Variants in ZBTB8A observed in about 807,000 individuals in gnomAD.
ZBTB8A encodes zinc finger and BTB domain-containing protein 8A.
A neutral mutation model predicts 37.8 loss-of-function variants in ZBTB8A; 19 were observed. The observed-to-expected ratio is 0.50, with a 90% CI of 0.35 to 0.74. The LOEUF (loss-of-function observed/expected upper bound fraction) is 0.74. Among genes scored for constraint, ZBTB8A ranks in the 30% least tolerant of loss-of-function variants. The probability of loss-of-function intolerance (pLI) is 0.01; values close to 1 mark genes in which losing one functional copy is unlikely to be tolerated. For missense variants in ZBTB8A, 394 were observed against 537.8 expected (o/e 0.73, Z 2.65); for synonymous variants, 181 against 185.2 (o/e 0.98, Z 0.19).
chr1:32,575,360 G>A (rs1051125826), intron 2 of ZBTB8A, among the ~76,000 whole-genome samples: 1 of 150,738 alleles, frequency 6.6e-6, no homozygotes. Flanking sequence ...CTGAGTAGCT[G>A]GGATTACAGG....
intron 4 of ZBTB8A, among the ~76,000 whole-genome samples, chr1:32,599,457 A>G (rs1644558113): frequency 1.3e-5 from 2 of 152,006 alleles, no homozygotes; most frequent in African/African-American, 4.8e-5. Flanking sequence ...GGTGCCTCAC[A>G]CCTATAATCC....
chr1:32,587,143 G>A (rs1262184093), intron 2 of ZBTB8A, among the ~76,000 whole-genome samples: 1 of 152,054 alleles, frequency 6.6e-6, no homozygotes, highest in East Asian at 1.9e-4. Context: ...GGAGGCTGAG[G>A]TAGGAGAATC....
chr1:32,567,004 GA>G (rs1158218998), intron 2 of ZBTB8A, among the ~76,000 whole-genome samples: 1 of 152,176 alleles, frequency 6.6e-6, no homozygotes, highest in Non-Finnish European at 1.5e-5. Flanking sequence ...TTATTTTTGT[GA>G]AAGGGATTGT....
At chr1:32,584,112 G>A (rs1644428155) in intron 2 of ZBTB8A, among the ~76,000 whole-genome samples, 2 of 152,000 alleles carry the variant, frequency 1.3e-5, no homozygotes. Context: ...GGGAGAAGAT[G>A]GCCATATGAA....
intron 1 of ZBTB8A, among the ~76,000 whole-genome samples, chr1:32,540,160 A>C (rs559002743): frequency 4.5e-4 from 68 of 152,202 alleles, no homozygotes; most frequent in Non-Finnish European, 7.9e-4. Context: ...TTGAGCTCCC[A>C]ACTATTTGCT....
rs1019431192 is a variant in ZBTB8A at position 32,601,320 on chromosome 1, C to G, written c.*901C>G. 5.0e-6 allele frequency: 1 copy of G among 198,292 alleles called. No homozygotes were observed. The highest frequency in any genetic ancestry group is 1.0e-5 in the Non-Finnish European group (1 of 99,006). The allele number at this position is 198,292 out of a possible 1,614,324, so 12.3% of individuals were successfully genotyped here. ...GAAACCTCGTCTCTACTAAAAAATACAAAATTAGCCGGGCATGGTGGCGGG... is the reference window on the plus strand; with the variant it reads ...GAAACCTCGTCTCTACTAAAAAATAGAAAATTAGCCGGGCATGGTGGCGGG... On this transcript the variant is annotated 3_prime_UTR_variant, in exon 5 of 5. Coordinates refer to ENST00000373510, the MANE Select transcript of ZBTB8A (RefSeq NM_001040441.3).
At chr1:32,585,279 GC>G (rs1274310996) in intron 2 of ZBTB8A, among the ~76,000 whole-genome samples, 2 of 151,972 alleles carry the variant, frequency 1.3e-5, no homozygotes, top group Non-Finnish European at 2.9e-5. Context: ...CTCCCAAAGT[GC>G]TGGGATTATA....
intron 1 of ZBTB8A, among the ~76,000 whole-genome samples, chr1:32,542,305 A>G (rs996298157): frequency 6.8e-6 from 1 of 146,642 alleles, no homozygotes; most frequent in African/African-American, 2.5e-5. Flanking sequence ...CTATAATTCC[A>G]ACACTTTGGG....
chr1:32,583,031 T>C (rs921845219), intron 2 of ZBTB8A, among the ~76,000 whole-genome samples: 1 of 152,208 alleles, frequency 6.6e-6, no homozygotes, highest in Non-Finnish European at 1.5e-5. Flanking sequence ...CATCTGTATA[T>C]ATGTTCATAT....
chr1:32,559,344 T>C (rs575572185), intron 2 of ZBTB8A, among the ~76,000 whole-genome samples: 1 of 152,290 alleles, frequency 6.6e-6, no homozygotes, highest in African/African-American at 2.4e-5. Context: ...ACTCCTGACC[T>C]CCAGTGAGCC....
At chr1:32,540,044 A>G (rs1644040135) in intron 1 of ZBTB8A, among the ~76,000 whole-genome samples, 1 of 150,442 alleles carries the variant, frequency 6.6e-6, no homozygotes, top group Non-Finnish European at 1.5e-5. Context: ...CCTGGCTCCC[A>G]GGGCAGTAGC....
chr1:32,579,792 G>A (rs909661194), intron 2 of ZBTB8A, among the ~76,000 whole-genome samples: 1 of 151,974 alleles, frequency 6.6e-6, no homozygotes, highest in Non-Finnish European at 1.5e-5. Flanking sequence ...CATGTATTTT[G>A]TTCAGTTTTT....
chr1:32,600,380 A>C lies in ZBTB8A; in HGVS notation c.1287A>C (p.Glu429Asp). 1 of 1,607,406 alleles carries C rather than the reference A, an allele frequency of 6.2e-7. No homozygotes were observed. The highest frequency in any genetic ancestry group is 8.5e-7 in the Non-Finnish European group (1 of 1,175,634). ...TCATCCAACAGGTTGATGATAGTGA[A>C]GAAGAAGAAGAAAAAGAAATTAAGC... ...DLVIQQVDDS[E>D]EEEEKEIKPN... The change falls in exon 5 of 5, where the codon GAA becomes GAC. Residue 429 changes from glutamate (E) to aspartate (D), a missense_variant. Around this residue, in one of 4 missense-constraint regions of ZBTB8A, gnomAD observed 85 missense variants for 89.0 expected, o/e 0.95. Transcript: ENST00000373510.
At chr1:32,584,882 T>TC (rs986369644) in intron 2 of ZBTB8A, among the ~76,000 whole-genome samples, 1 of 151,986 alleles carries the variant, frequency 6.6e-6, no homozygotes. Flanking sequence ...ACGCCTGCTG[T>TC]CATAGCCTCT....
Position 32,601,352 on chromosome 1 carries a change from T to A in ZBTB8A, c.*933T>A, listed in dbSNP as rs1032549616. 1 of 258,612 alleles carries A rather than the reference T, an allele frequency of 3.9e-6. No homozygotes were observed. The highest frequency in any genetic ancestry group is 7.2e-6 in the Non-Finnish European group (1 of 138,328). The allele number at this position is 258,612 out of a possible 1,614,324, so 16.0% of individuals were successfully genotyped here. The stretch of plus-strand genomic sequence containing the variant: ...AGCCGGGCATGGTGGCGGGTGCCTA[T>A]AATCCCAGCTACTCGGGAGGCTGAG... On this transcript the variant is annotated 3_prime_UTR_variant, in exon 5 of 5. Coordinates refer to ENST00000373510, the MANE Select transcript of ZBTB8A (RefSeq NM_001040441.3).
intron 2 of ZBTB8A, among the ~76,000 whole-genome samples, chr1:32,572,597 T>A (rs568974424): frequency 4.7e-4 from 71 of 152,070 alleles, no homozygotes; most frequent in Non-Finnish European, 9.6e-4. Flanking sequence ...GGTTTCGCCA[T>A]GTTGGCCAGG....
intron 1 of ZBTB8A, among the ~76,000 whole-genome samples, chr1:32,541,309 C>T (rs560700922): frequency 6.6e-5 from 10 of 152,260 alleles, no homozygotes; most frequent in Admixed American, 6.5e-4. Context: ...TCTGCTTTCC[C>T]TTTCTGACTC....
intron 1 of ZBTB8A, among the ~76,000 whole-genome samples, chr1:32,549,969 A>G (rs933461828): frequency 7.9e-5 from 12 of 152,246 alleles, no homozygotes; most frequent in Admixed American, 1.3e-4. Flanking sequence ...CGGATCTCAC[A>G]GAACATCTCA....
At chr1:32,543,089 A>G (rs772034176) in intron 1 of ZBTB8A, among the ~76,000 whole-genome samples, 9 of 151,786 alleles carry the variant, frequency 5.9e-5, no homozygotes, top group African/African-American at 2.2e-4. Flanking sequence ...TTTTTTAGAT[A>G]TAACTTTTTT....
Sources: gnomAD v4.1 joint callset for allele counts (sites outside exome capture counted in the v4.1 genomes callset) on GRCh38, gnomAD v4.1.1 for gene constraint, gnomAD v4.1.1 regional missense constraint, MANE v1.5 for transcripts, NCBI Gene and HGNC (gene_info 2026-07-23, HGNC 2026-07-21) for gene names.